CAST: variants seen among roughly 807,000 people sequenced by gnomAD.
CAST encodes the protein MIR583 host.
Under a neutral mutation model 119.6 loss-of-function variants are expected in CAST, and 76 were observed. The ratio of observed to expected loss-of-function variants is 0.64; its 90% CI spans 0.53 to 0.77. The LOEUF (loss-of-function observed/expected upper bound fraction) is 0.77, where lower values mean the gene tolerates loss of function less well. CAST is among the 30% of genes least tolerant of loss of function. The pLI, the probability that CAST is intolerant of heterozygous loss-of-function variation, is 0.00. For synonymous variants in CAST, 319 were observed against 331.6 expected (o/e 0.96, Z 0.41); for missense variants, 953 against 946.5 (o/e 1.01, Z -0.09).
At chr5:96,528,402 C>T (rs987012727), upstream of CAST, among the ~76,000 whole-genome samples, 1 of 152,132 alleles carries the variant, frequency 6.6e-6, no homozygotes, top group Non-Finnish European at 1.5e-5. Context: ...CAACCATTGG[C>T]CCCCCTTCCA....
chr5:96,396,188 G>GA, the CAST span, among the ~76,000 whole-genome samples: 221 of 151,420 alleles, frequency 1.5e-3, 1 homozygote, highest in African/African-American at 4.7e-3. Flanking sequence ...TATCCTCAGA[G>GA]AAAAAAATGT....
At chr5:96,273,230 G>A in the CAST span, among the ~76,000 whole-genome samples, 1 of 152,152 alleles carries the variant, frequency 6.6e-6, no homozygotes, top group Admixed American at 6.5e-5. Flanking sequence ...TCTATTATTG[G>A]AATTCAAGGC....
At chr5:96,200,637 GCTT>G in the CAST span, among the ~76,000 whole-genome samples, 4 of 152,094 alleles carry the variant, frequency 2.6e-5, no homozygotes, top group African/African-American at 9.7e-5. Context: ...ATAAGCTCCT[GCTT>G]CTTCTTATAC....
the CAST span, among the ~76,000 whole-genome samples, chr5:96,278,302 T>A: frequency 6.6e-6 from 1 of 152,144 alleles, no homozygotes; most frequent in African/African-American, 2.4e-5. Flanking sequence ...CCCTTTGTAA[T>A]CAGTCTTTGA....
In CAST at chr5:96,680,455, T is replaced by C. The variant is rs148587067; in HGVS notation, c.138+4854T>C. On this transcript the variant is annotated intron_variant, in intron 2 of 31. Transcript: ENST00000675179. ...AGCACCTAGAGAAATGGGCACTATG[T>C]ACATCTTGGTGTATTTTCCTGCATC... Among the ~76,000 whole-genome samples the C allele has an allele frequency of 2.0e-3, 299 of 151,828 alleles. 1 individual carries two copies. The highest frequency in any genetic ancestry group is 6.8e-3 in the Middle Eastern group (2 of 294).
chr5:96,264,863 TG>T, the CAST span, among the ~76,000 whole-genome samples: 2 of 152,210 alleles, frequency 1.3e-5, no homozygotes, highest in East Asian at 3.8e-4. Flanking sequence ...TGTGCACAAT[TG>T]TAGATGATTT....
chr5:96,619,831 AG>A (rs1318561551), intron 1 of CAST, among the ~76,000 whole-genome samples: 1 of 152,206 alleles, frequency 6.6e-6, no homozygotes, highest in Non-Finnish European at 1.5e-5. Context: ...TAGCATTACA[AG>A]TCCTGCATCT....
chr5:96,681,489 T>G (rs1455978553), intron 2 of CAST, among the ~76,000 whole-genome samples: 1 of 151,992 alleles, frequency 6.6e-6, no homozygotes, highest in Non-Finnish European at 1.5e-5. Flanking sequence ...ATCCCAGCAC[T>G]TTGGGAGGCC....
chr5:96,431,411 C>T, the CAST span, among the ~76,000 whole-genome samples: 1 of 152,220 alleles, frequency 6.6e-6, no homozygotes, highest in Non-Finnish European at 1.5e-5. Context: ...TTCATTCCTT[C>T]AACCAATGAA....
At chr5:96,526,954 G>A (rs949604525), upstream of CAST, among the ~76,000 whole-genome samples, 1 of 152,180 alleles carries the variant, frequency 6.6e-6, no homozygotes, top group African/African-American at 2.4e-5. Flanking sequence ...AGTGGCAGGG[G>A]TAGGTAGTGA....
chr5:96,367,581 C>T, the CAST span, among the ~76,000 whole-genome samples: 368 of 152,264 alleles, frequency 2.4e-3, 1 homozygote, highest in Non-Finnish European at 3.7e-3. Context: ...GACTGCTGTG[C>T]TGGCAATGAG....
chr5:96,454,039 C>T, the CAST span, among the ~76,000 whole-genome samples: 4 of 152,184 alleles, frequency 2.6e-5, no homozygotes, highest in Admixed American at 6.5e-5. Context: ...TTCTTTCTAA[C>T]TTATATCCGT....
the CAST span, among the ~76,000 whole-genome samples, chr5:96,339,099 A>G: frequency 6.6e-6 from 1 of 152,212 alleles, no homozygotes. Flanking sequence ...CCAGGTCTCC[A>G]GCTTTACGGG....
intron 16 of CAST, chr5:96,743,563 A>C (rs1290402649): frequency 2.2e-5 from 35 of 1,573,418 alleles, no homozygotes; most frequent in Non-Finnish European, 2.9e-5. Context: ...CTGAGTCATC[A>C]GGGAAGGGGA....
chr5:96,388,653 C>A, the CAST span, among the ~76,000 whole-genome samples: 1 of 152,294 alleles, frequency 6.6e-6, no homozygotes, highest in Admixed American at 6.5e-5. Context: ...TATAGCTTTG[C>A]AAATTACAAG....
At chr5:96,193,941 G>A in the CAST span, among the ~76,000 whole-genome samples, 1 of 152,078 alleles carries the variant, frequency 6.6e-6, no homozygotes, top group Non-Finnish European at 1.5e-5. Flanking sequence ...TTAATGTATT[G>A]GATTCATTAA....
the CAST span, among the ~76,000 whole-genome samples, chr5:96,355,931 A>AC: frequency 3.9e-5 from 6 of 152,024 alleles, no homozygotes; most frequent in Admixed American, 2.6e-4. Context: ...CGATCCCTTG[A>AC]CCTCATGATC....
At chr5:96,242,200 C>G in the CAST span, among the ~76,000 whole-genome samples, 6 of 151,258 alleles carry the variant, frequency 4.0e-5, no homozygotes, top group Non-Finnish European at 7.4e-5. Flanking sequence ...GGTTTTAGGT[C>G]TAACGTTTAA....
the CAST span, among the ~76,000 whole-genome samples, chr5:96,215,793 C>G: frequency 2.0e-5 from 3 of 151,900 alleles, no homozygotes; most frequent in Non-Finnish European, 4.4e-5. Flanking sequence ...ATATATTTTT[C>G]TCTTATAATT....
Sources: allele counts gnomAD v4.1 joint callset (sites outside exome capture counted in the v4.1 genomes callset), GRCh38; gene constraint gnomAD v4.1.1; transcripts MANE v1.5; gene names NCBI Gene and HGNC (gene_info 2026-07-23, HGNC 2026-07-21).